Variants in ACAD10 observed in about 807,000 individuals in gnomAD.
ACAD10 encodes the protein acyl-CoA dehydrogenase family member 10, also known as ACAD-10.
Under a neutral mutation model 116.8 loss-of-function variants are expected in ACAD10, and 112 were observed. That is an observed-to-expected ratio of 0.96 (90% CI 0.82 to 1.12). The LOEUF (loss-of-function observed/expected upper bound fraction) is 1.12. Among genes scored for constraint, ACAD10 ranks in the 50% most tolerant of loss-of-function variants. The probability of loss-of-function intolerance (pLI) is 0.00; values close to 1 mark genes in which losing one functional copy is unlikely to be tolerated. For synonymous variants in ACAD10, 486 were observed against 510.6 expected (o/e 0.95, Z 0.65); for missense variants, 1,259 against 1,350.2 (o/e 0.93, Z 1.06).
intron 3 of ACAD10, among the ~76,000 whole-genome samples, chr12:111,704,159 T>G (rs1888429863): frequency 6.6e-6 from 1 of 151,746 alleles, no homozygotes; most frequent in Admixed American, 6.6e-5. Flanking sequence ...ATTTTTTTTT[T>G]GAGACACAGT....
intron 7 of ACAD10, 85 bp downstream of exon 7, chr12:111,716,047 A>T: frequency 6.5e-7 from 1 of 1,547,960 alleles, no homozygotes; most frequent in South Asian, 1.2e-5. Flanking sequence ...TCAGCACTCC[A>T]TAAAAATACC....
intron 7 of ACAD10, among the ~76,000 whole-genome samples, chr12:111,721,022 A>C (rs1888999656): frequency 6.6e-6 from 1 of 152,022 alleles, no homozygotes; most frequent in South Asian, 2.1e-4. Context: ...AGGCTCAAGC[A>C]GTCCTCCCCC....
At chr12:111,704,909 G>A (rs1441696903) in intron 3 of ACAD10, among the ~76,000 whole-genome samples, 3 of 151,534 alleles carry the variant, frequency 2.0e-5, no homozygotes, top group Non-Finnish European at 4.4e-5. Context: ...GGATGGTCTC[G>A]ATCTCCTGAC....
rs1404470092 is a variant in ACAD10 at position 111,749,211 on chromosome 12, C to T, written c.2683C>T (p.Pro895Ser). 3.1e-6 allele frequency: 5 copies of T among 1,613,946 alleles called. No homozygotes were observed. The highest frequency in any genetic ancestry group is 4.2e-6 in the Non-Finnish European group (5 of 1,179,906). Reference protein sequence around the residue: ...GEVRFEHVRVPKENMVLGPGR... With the variant: ...GEVRFEHVRVSKENMVLGPGR... ...AGTCCGATTTGAGCACGTGCGTGTGCCCAAAGAGAACATGGTCCTGGGCCC... is the reference window on the plus strand; with the variant it reads ...AGTCCGATTTGAGCACGTGCGTGTGTCCAAAGAGAACATGGTCCTGGGCCC... Residue 895 changes from proline (P) to serine (S), a missense_variant, in exon 18 of 21, where the codon CCC (proline) becomes TCC (serine). Physicochemically the swap from Pro to Ser is moderately conservative, Grantham distance 74. Coordinates refer to ENST00000313698, the MANE Select transcript of ACAD10 (RefSeq NM_025247.6).
At chr12:111,706,782 A>ATATATATTTTTTTTT (rs778649893) in intron 4 of ACAD10, among the ~76,000 whole-genome samples, 72 of 126,476 alleles carry the variant, frequency 5.7e-4, no homozygotes, top group African/African-American at 2.2e-3. Flanking sequence ...ATATATATAT[A>ATATATATTTTTTTTT]TTTTTTTTTT....
intron 6 of ACAD10, 136 bp downstream of exon 6, chr12:111,712,793 T>C: frequency 1.0e-6 from 1 of 980,454 alleles, no homozygotes; most frequent in Non-Finnish European, 1.5e-6. Context: ...TTGGGCCTGG[T>C]GCATCGGAGC....
intron 7 of ACAD10, among the ~76,000 whole-genome samples, chr12:111,720,736 A>G (rs1433069354): frequency 6.6e-6 from 1 of 151,820 alleles, no homozygotes; most frequent in African/African-American, 2.4e-5. Flanking sequence ...TTTTCTGTCC[A>G]GGCTGAAAAC....
intron 18 of ACAD10, among the ~76,000 whole-genome samples, chr12:111,749,981 G>A (rs533666459): frequency 2.0e-5 from 3 of 151,654 alleles, no homozygotes; most frequent in Non-Finnish European, 4.4e-5. Flanking sequence ...CACCATGTTG[G>A]CCAGGAAGGT....
At chr12:111,697,373 T>A (rs942305244) in intron 2 of ACAD10, among the ~76,000 whole-genome samples, 47 of 150,780 alleles carry the variant, frequency 3.1e-4, no homozygotes, top group Admixed American at 4.0e-4. Context: ...TTTTTTTTTT[T>A]TTTTTGAGAC....
At chr12:111,752,634 C>A (rs6490294) in intron 18 of ACAD10, 53,749 of 151,578 alleles carry the variant, frequency 0.35, 13,965 homozygotes, top group East Asian at 0.85. Flanking sequence ...GCTACAAAAC[C>A]ATATATAGAG....
At chr12:111,756,211 G>C in intron 20 of ACAD10, 122 bp from the exon 21 acceptor site, 1 of 1,446,704 alleles carries the variant, frequency 6.9e-7, no homozygotes, top group Non-Finnish European at 9.0e-7. Context: ...GTATCACATA[G>C]GTGCCACAGG....
intron 12 of ACAD10, among the ~76,000 whole-genome samples, chr12:111,738,725 G>T (rs1399675539): frequency 6.6e-6 from 1 of 151,926 alleles, no homozygotes; most frequent in African/African-American, 2.4e-5. Context: ...AAATTAGCCA[G>T]GTGTGATGGC....
chr12:111,736,336 G>A (rs1889563369), intron 11 of ACAD10, among the ~76,000 whole-genome samples: 1 of 151,934 alleles, frequency 6.6e-6, no homozygotes, highest in Non-Finnish European at 1.5e-5. Flanking sequence ...GATTACAGGT[G>A]CACGCCACCA....
At chr12:111,721,909 G>A (rs1889023749) in intron 8 of ACAD10, 170 bp downstream of exon 8, 4 of 470,328 alleles carry the variant, frequency 8.5e-6, no homozygotes, top group Non-Finnish European at 1.5e-5. Context: ...TATCCTGCAA[G>A]ATAAGTATAT....
chr12:111,729,435 C>T (rs373076597), intron 9 of ACAD10, among the ~76,000 whole-genome samples: 7 of 152,238 alleles, frequency 4.6e-5, no homozygotes, highest in South Asian at 4.1e-4. Context: ...GATGCGCTTT[C>T]GCCATGTTGG....
chr12:111,746,962 G>A (rs1889921002), intron 14 of ACAD10, 87 bp from the exon 15 acceptor site: 2 of 1,495,870 alleles, frequency 1.3e-6, no homozygotes, highest in Non-Finnish European at 1.8e-6. Context: ...ATCGTGCCAC[G>A]ATACTCCAGC....
At chr12:111,691,968 GTTGT>G (rs1029812477) in intron 1 of ACAD10, among the ~76,000 whole-genome samples, 12 of 151,428 alleles carry the variant, frequency 7.9e-5, no homozygotes, top group South Asian at 2.1e-4. Context: ...CATTGAAGGT[GTTGT>G]TTGTTTGTTT....
At chr12:111,710,003 T>C (rs1332744326) in intron 5 of ACAD10, 2 of 343,782 alleles carry the variant, frequency 5.8e-6, no homozygotes, top group Non-Finnish European at 1.1e-5. Flanking sequence ...GGGGAGCCAG[T>C]GGCCACCAGC....
chr12:111,733,859 C>A, intron 10 of ACAD10, 64 bp from the exon 11 acceptor site: 1 of 1,604,730 alleles, frequency 6.2e-7, no homozygotes, highest in Non-Finnish European at 8.5e-7. Context: ...AAACAGACCA[C>A]GCAGAATCCA....
Sources: gnomAD v4.1 joint callset for allele counts (sites outside exome capture counted in the v4.1 genomes callset) on GRCh38, gnomAD v4.1.1 for gene constraint, MANE v1.5 for transcripts, NCBI Gene and HGNC (gene_info 2026-07-23, HGNC 2026-07-21) for gene names.